The following ZNF44 variants were observed in gnomAD, a reference collection of about 807,000 sequenced individuals.
The protein encoded by ZNF44 is zinc finger protein 44.
Under a neutral mutation model 11.7 loss-of-function variants are expected in ZNF44, and 9 were observed. The ratio of observed to expected loss-of-function variants is 0.77; its 90% CI spans 0.46 to 1.35. The LOEUF is 1.35. ZNF44 is among the 40% of genes most tolerant of loss of function. ZNF44 has a pLI of 0.00. For synonymous variants in ZNF44, 224 were observed against 242.7 expected (o/e 0.92, Z 0.72); for missense variants, 696 against 743.1 (o/e 0.94, Z 0.74).
At chr19:12,267,078 C>T (rs188285816), downstream of ZNF44, among the ~76,000 whole-genome samples, 606 of 145,994 alleles carry the variant, frequency 4.2e-3, 2 homozygotes, top group Middle Eastern at 0.012. Context: ...CTTGCTCTGT[C>T]GCCCAGGCTG....
At chr19:12,264,846 C>T (rs1917662712) in intron 5 of ZNF44, among the ~76,000 whole-genome samples, 1 of 152,072 alleles carries the variant, frequency 6.6e-6, no homozygotes, top group African/African-American at 2.4e-5. Flanking sequence ...CAGGCACGCA[C>T]CACTATGCCT....
intron 3 of ZNF44, 123 bp from the exon 4 acceptor site, chr19:12,274,186 T>C (rs1351768963): frequency 1.1e-5 from 8 of 747,800 alleles, no homozygotes; most frequent in Non-Finnish European, 1.3e-5. Context: ...TGCTTCAATG[T>C]GAATGGACTG....
rs923766118 is a variant in ZNF44 at position 12,285,549 on chromosome 19, C to T, written c.3+9143G>A. On this transcript the variant is annotated intron_variant, in intron 1 of 3. Transcript: ENST00000355684. ...GACAACAGGCGTGAGCCACAGCACC[C>T]GGCCTGGTCAGACAGTTAATCCACA... is the stretch of plus-strand genomic sequence containing the variant. 3.9e-5 allele frequency among the ~76,000 whole-genome samples: 6 copies of T among 152,150 alleles called. No individual in the cohort carries two copies. In the East Asian group the frequency reaches 5.8e-4, roughly 15 times the overall value.
chr19:12,269,674 AATGTT>A (rs1966894665), downstream of ZNF44, among the ~76,000 whole-genome samples: 1 of 152,204 alleles, frequency 6.6e-6, no homozygotes. Context: ...AATAGTTATA[AATGTT>A]ATAACATTTC....
At chr19:12,292,871 T>G (rs867289116) in intron 1 of ZNF44, among the ~76,000 whole-genome samples, 1 of 128,132 alleles carries the variant, frequency 7.8e-6, no homozygotes. Flanking sequence ...TTTTTTTTTT[T>G]TTTTTTTTTG....
chr19:12,287,202 C>T (rs1967797786), intron 1 of ZNF44, among the ~76,000 whole-genome samples: 1 of 152,056 alleles, frequency 6.6e-6, no homozygotes, highest in African/African-American at 2.4e-5. Context: ...ACCAAATAAC[C>T]TCCCTCATCC....
intron 1 of ZNF44, among the ~76,000 whole-genome samples, chr19:12,289,795 C>T (rs1453162181): frequency 1.3e-5 from 2 of 151,794 alleles, no homozygotes; most frequent in Non-Finnish European, 2.9e-5. Context: ...GCATGCCTGG[C>T]TAATTTTTTG....
At chr19:12,255,787 G>A (rs2438573) in intron 5 of ZNF44, among the ~76,000 whole-genome samples, 9,564 of 151,978 alleles carry the variant, frequency 0.063, 1,031 homozygotes, top group African/African-American at 0.22. Context: ...TTCCTGTAAT[G>A]CCAGCACTTC....
At chr19:12,247,377 A>G (rs1322632090), downstream of ZNF44, 22 of 1,302,266 alleles carry the variant, frequency 1.7e-5, no homozygotes, top group African/African-American at 3.0e-5. Flanking sequence ...TCCAGTGTGC[A>G]TTCTCATGTG....
chr19:12,278,168 A>C (rs926524166), intron 1 of ZNF44, among the ~76,000 whole-genome samples: 7 of 152,234 alleles, frequency 4.6e-5, no homozygotes, highest in Admixed American at 1.3e-4. Context: ...AGGGTGGAAA[A>C]CTGCTTAAGG....
chr19:12,228,193 C>A (rs973709802), intron 3 of ZNF44, among the ~76,000 whole-genome samples: 124 of 128,164 alleles, frequency 9.7e-4, no homozygotes, highest in African/African-American at 3.7e-3. Context: ...TTTAAACCTT[C>A]AAAACAATTG....
chr19:12,239,568 ATTTTTTT>A (rs1158604076), upstream of ZNF44, among the ~76,000 whole-genome samples: 104 of 76,050 alleles, frequency 1.4e-3, 1 homozygote, highest in African/African-American at 3.5e-3. Flanking sequence ...CCCAAGTTGC[ATTTTTTT>A]TTTTTTTTTT....
intron 1 of ZNF44, among the ~76,000 whole-genome samples, chr19:12,286,628 C>T (rs1448282298): frequency 1.3e-5 from 2 of 150,542 alleles, no homozygotes; most frequent in African/African-American, 4.9e-5. Context: ...AAGAGCGAGA[C>T]TTGGTCTCAA....
chr19:12,266,402 G>C, intron 5 of ZNF44: 2 of 945,326 alleles, frequency 2.1e-6, no homozygotes, highest in South Asian at 4.9e-5. Context: ...GCGACCCGAG[G>C]GCGCCAAGGC....
At chr19:12,293,026 T>C (rs1182034005) in intron 1 of ZNF44, among the ~76,000 whole-genome samples, 5 of 151,936 alleles carry the variant, frequency 3.3e-5, no homozygotes, top group South Asian at 2.1e-4. Context: ...CCTGCCACCA[T>C]GCCCGGCTAA....
At chr19:12,239,005 G>A (rs1482279224), upstream of ZNF44, among the ~76,000 whole-genome samples, 2 of 152,182 alleles carry the variant, frequency 1.3e-5, no homozygotes, top group African/African-American at 2.4e-5. Context: ...ATTTTCACCA[G>A]CAGGAAACTC....
chr19:12,275,808 A>G, intron 2 of ZNF44, 148 bp downstream of exon 2: 1 of 1,002,194 alleles, frequency 1.0e-6, no homozygotes, highest in Non-Finnish European at 1.4e-6. Context: ...ATATGAGGAC[A>G]TACAACAGGT....
chr19:12,257,738 C>G (rs1917317868), intron 5 of ZNF44, among the ~76,000 whole-genome samples: 1 of 149,254 alleles, frequency 6.7e-6, no homozygotes, highest in African/African-American at 2.5e-5. Flanking sequence ...ATGATGGAGG[C>G]TGCAGTGAGC....
rs200300650 is a variant in ZNF44, at chr19:12,283,330, A to AT, written c.4-7249dup. Among the ~76,000 whole-genome samples the AT allele has an allele frequency of 1.6e-3, 248 of 151,832 alleles. No individual in the cohort carries two copies. The East Asian group carries it at 0.018, about 11-fold the overall frequency. Reference sequence around the variant, plus strand: ...CAGCACACTTTTAGAAATTACAGAAATTTTTTTTTCTTTTTGAGACAGAGT... The same window carrying AT: ...CAGCACACTTTTAGAAATTACAGAAATTTTTTTTTTCTTTTTGAGACAGAGT... On this transcript the variant is annotated intron_variant, in intron 1 of 3. Coordinates refer to ENST00000355684, the MANE Select transcript of ZNF44 (RefSeq NM_016264.4).
Sources: gnomAD v4.1 joint callset for allele counts (sites outside exome capture counted in the v4.1 genomes callset) on GRCh38, gnomAD v4.1.1 for gene constraint, MANE v1.5 for transcripts, NCBI Gene and HGNC (gene_info 2026-07-23, HGNC 2026-07-21) for gene names.